Variants in EDIL3 observed in about 807,000 individuals in gnomAD.
The protein encoded by EDIL3 is EGF like and discoidin domains 3, also known as EGF-like repeat and discoidin I-like domain-containing protein 3.
Under a neutral mutation model 67.4 loss-of-function variants are expected in EDIL3, and 37 were observed. The ratio of observed to expected loss-of-function variants is 0.55; its 90% confidence interval spans 0.42 to 0.72. The LOEUF (loss-of-function observed/expected upper bound fraction) is 0.72, where lower values mean the gene tolerates loss of function less well. Ranked by LOEUF, EDIL3 falls within the 30% of genes least tolerant of loss-of-function variation. EDIL3 has a pLI of 0.00. For synonymous variants in EDIL3, 195 were observed against 196.3 expected, an observed-to-expected ratio of 0.99 and a Z score of 0.05; for missense variants, 527 against 586.3, an observed-to-expected ratio of 0.90 and a Z score of 1.04.
intron 9 of EDIL3, among the ~76,000 whole-genome samples, chr5:84,010,202 CT>C (rs1334129165): frequency 3.3e-5 from 5 of 152,170 alleles, no homozygotes; most frequent in Admixed American, 3.3e-4. Context: ...TCTCTCGTTT[CT>C]TCATCTTTCT....
intron 1 of EDIL3, among the ~76,000 whole-genome samples, chr5:84,298,442 C>T (rs1297279716): frequency 2.6e-5 from 4 of 151,960 alleles, no homozygotes; most frequent in Admixed American, 2.0e-4. Context: ...GACATGGACA[C>T]GGGGAGGGGA....
At chr5:84,037,712 T>C (rs942989428) in intron 9 of EDIL3, among the ~76,000 whole-genome samples, 1 of 152,182 alleles carries the variant, frequency 6.6e-6, no homozygotes, top group African/African-American at 2.4e-5. Context: ...TTGCATTTTT[T>C]CCCCTAAGAG....
intron 9 of EDIL3, among the ~76,000 whole-genome samples, chr5:84,028,727 A>C (rs1372823296): frequency 6.6e-6 from 1 of 152,172 alleles, no homozygotes; most frequent in Non-Finnish European, 1.5e-5. Flanking sequence ...ACATGTATAT[A>C]TTCATGTAAA....
chr5:84,086,354 A>T (rs1747071471), intron 6 of EDIL3, among the ~76,000 whole-genome samples: 1 of 152,118 alleles, frequency 6.6e-6, no homozygotes, highest in Non-Finnish European at 1.5e-5. Context: ...AAAGCGTAGT[A>T]CCCAGGATGG....
intron 1 of EDIL3, among the ~76,000 whole-genome samples, chr5:84,271,306 C>A (rs1046133615): frequency 6.6e-6 from 1 of 151,696 alleles, no homozygotes; most frequent in Admixed American, 6.6e-5. Context: ...CCCAGCTACT[C>A]GGGAGACTGA....
chr5:84,215,046 C>T (rs1222517871), intron 3 of EDIL3, among the ~76,000 whole-genome samples: 1 of 151,944 alleles, frequency 6.6e-6, no homozygotes, highest in Non-Finnish European at 1.5e-5. Context: ...ATTAATAATG[C>T]AATAAAGTCA....
chr5:83,963,250 T>C lies in EDIL3; in HGVS notation c.1248A>G (p.Gly416=), dbSNP rs1479638872. The C allele has an allele frequency of 1.2e-6, 2 of 1,610,554 alleles. No individual in the cohort carries two copies. The highest frequency in any genetic ancestry group is 1.7e-5 in the Admixed American group (1 of 59,758). The change falls in exon 10 of 11, where the codon GGA becomes GGG. Residue 416 remains glycine, a synonymous_variant. Coordinates refer to ENST00000296591, the MANE Select transcript of EDIL3 (RefSeq NM_005711.5). The part of the protein sequence containing the change: ...GSYKLAYSND[G]EHWTVYQDEK... Reference sequence around the variant, plus strand: ...CATCCTGGTATACAGTCCAGTGTTCTCCATCATTGCTGTAAGCCAGTTTGT... The same window carrying C: ...CATCCTGGTATACAGTCCAGTGTTCCCCATCATTGCTGTAAGCCAGTTTGT...
chr5:84,149,371 T>A (rs2112328324), intron 4 of EDIL3, among the ~76,000 whole-genome samples: 1 of 152,224 alleles, frequency 6.6e-6, no homozygotes, highest in Non-Finnish European at 1.5e-5. Flanking sequence ...AACTGCCAAT[T>A]CCCACCACTA....
chr5:84,298,740 G>C (rs143204411), intron 1 of EDIL3, among the ~76,000 whole-genome samples: 60 of 152,272 alleles, frequency 3.9e-4, no homozygotes, highest in African/African-American at 1.4e-3. Flanking sequence ...TCTCCTTATT[G>C]TGAAAGCGAT....
chr5:84,377,735 T>C (rs1747997512), intron 1 of EDIL3, among the ~76,000 whole-genome samples: 1 of 152,220 alleles, frequency 6.6e-6, no homozygotes, highest in African/African-American at 2.4e-5. Context: ...TTATGAAATA[T>C]TATATCATAT....
chr5:84,212,212 T>G (rs924018164), intron 3 of EDIL3, among the ~76,000 whole-genome samples: 1 of 152,118 alleles, frequency 6.6e-6, no homozygotes, highest in African/African-American at 2.4e-5. Flanking sequence ...GATCTTGAGA[T>G]GGGATCATCC....
chr5:83,962,918 A>G (rs1744628357), intron 10 of EDIL3, among the ~76,000 whole-genome samples: 1 of 151,726 alleles, frequency 6.6e-6, no homozygotes, highest in Non-Finnish European at 1.5e-5. Context: ...TCAAGATTCT[A>G]TCACCTTTAT....
intron 5 of EDIL3, among the ~76,000 whole-genome samples, chr5:84,136,745 G>A (rs539769371): frequency 6.6e-6 from 1 of 152,124 alleles, no homozygotes; most frequent in South Asian, 2.1e-4. Context: ...GTGTTGCCCA[G>A]GATGGTCTTG....
At chr5:84,086,867 T>G (rs1269850451) in intron 6 of EDIL3, among the ~76,000 whole-genome samples, 7 of 152,024 alleles carry the variant, frequency 4.6e-5, no homozygotes. Flanking sequence ...CGTTACCCAG[T>G]GTATATACCT....
At chr5:84,182,846 A>C (rs1484819352) in intron 3 of EDIL3, among the ~76,000 whole-genome samples, 2 of 152,136 alleles carry the variant, frequency 1.3e-5, no homozygotes, top group African/African-American at 4.8e-5. Flanking sequence ...AATTAAAAAC[A>C]ATATATTTAT....
At chr5:84,292,261 T>C (rs887236580) in intron 1 of EDIL3, among the ~76,000 whole-genome samples, 4 of 152,158 alleles carry the variant, frequency 2.6e-5, no homozygotes, top group African/African-American at 7.2e-5. Context: ...TTACTAACAA[T>C]AATTGGAAAT....
At chr5:84,307,953 T>G (rs1362565033) in intron 1 of EDIL3, among the ~76,000 whole-genome samples, 2 of 152,166 alleles carry the variant, frequency 1.3e-5, no homozygotes, top group African/African-American at 4.8e-5. Flanking sequence ...ACTAGATCAA[T>G]GTAGGATTCC....
intron 2 of EDIL3, among the ~76,000 whole-genome samples, chr5:84,237,407 A>T (rs1478189585): frequency 1.3e-5 from 2 of 152,144 alleles, no homozygotes; most frequent in African/African-American, 2.4e-5. Flanking sequence ...AAAAAAATCC[A>T]TTGGTACAAT....
chr5:84,105,206 G>T (rs984620104), intron 6 of EDIL3, among the ~76,000 whole-genome samples: 1 of 152,034 alleles, frequency 6.6e-6, no homozygotes, highest in African/African-American at 2.4e-5. Context: ...GTATAGATGT[G>T]CCATTTCCAC....
Sources: allele counts gnomAD v4.1 joint callset (sites outside exome capture counted in the v4.1 genomes callset), GRCh38; gene constraint gnomAD v4.1.1; transcripts MANE v1.5; gene names NCBI Gene and HGNC (gene_info 2026-07-23, HGNC 2026-07-21).